Variants in RAP1A observed in about 807,000 individuals in gnomAD.
RAP1A encodes ras-related protein Rap-1A.
A neutral mutation model predicts 26.4 loss-of-function variants in RAP1A; 6 were observed. That is an observed-to-expected ratio of 0.23 (90% CI 0.12 to 0.45). RAP1A has a LOEUF of 0.45. Among genes scored for constraint, RAP1A ranks in the 20% least tolerant of loss-of-function variants. The pLI, the probability that RAP1A is intolerant of heterozygous loss-of-function variation, is 0.99. For missense variants in RAP1A, 121 were observed against 217.2 expected (o/e 0.56, Z 2.78); for synonymous variants, 73 against 79.4 (o/e 0.92, Z 0.43).
At chr1:111,688,179 A>G (rs750562894) in intron 1 of RAP1A, among the ~76,000 whole-genome samples, 1 of 138,244 alleles carries the variant, frequency 7.2e-6, no homozygotes, top group Non-Finnish European at 1.5e-5. Context: ...ACATATATTC[A>G]TTGTATTTAT....
intron 3 of RAP1A, among the ~76,000 whole-genome samples, chr1:111,696,123 A>G (rs1661820717): frequency 6.6e-6 from 1 of 152,182 alleles, no homozygotes; most frequent in Non-Finnish European, 1.5e-5. Context: ...AAAATTAGGT[A>G]CTTGGTCTTG....
At chr1:111,605,174 A>G (rs550838963) in intron 1 of RAP1A, among the ~76,000 whole-genome samples, 1 of 152,334 alleles carries the variant, frequency 6.6e-6, no homozygotes, top group Admixed American at 6.5e-5. Context: ...TAAGGAAGGT[A>G]GTTTCCACAT....
chr1:111,649,409 G>T (rs1186463363), intron 1 of RAP1A: 3 of 366,318 alleles, frequency 8.2e-6, no homozygotes, highest in African/African-American at 2.1e-5. Context: ...CCAGAAGCTG[G>T]TGGAGTGGGA....
intron 6 of RAP1A, among the ~76,000 whole-genome samples, chr1:111,707,395 A>G (rs1414667843): frequency 2.6e-5 from 4 of 152,350 alleles, no homozygotes; most frequent in South Asian, 2.1e-4. Context: ...TAAGAACAAT[A>G]AAGAAGAATT....
intron 1 of RAP1A, among the ~76,000 whole-genome samples, chr1:111,688,299 G>A (rs66515524): frequency 0.7 from 98,828 of 140,500 alleles, 35,375 homozygotes; most frequent in East Asian, 0.92. Context: ...GTGTGTGTGT[G>A]TATATATATT....
intron 1 of RAP1A, among the ~76,000 whole-genome samples, chr1:111,664,050 C>T (rs1367671175): frequency 6.6e-6 from 1 of 152,038 alleles, no homozygotes; most frequent in South Asian, 2.1e-4. Context: ...CATAGGATGT[C>T]ATAGAGGAAC....
rs1198317883 is a variant in RAP1A at position 111,697,491 on chromosome 1, A to G, written c.177A>G (p.Ala59=). ...GTATGCTCGAAATCCTGGATACTGC[A>G]GGGACAGTAAGGATGTTTTCTCTTT... ...QQCMLEILDT[A]GTEQFTAMRD... Residue 59 remains alanine, a synonymous_variant, in exon 4 of 8, where the codon GCA becomes GCG. Coordinates refer to ENST00000369709, the MANE Select transcript of RAP1A (RefSeq NM_002884.4). 1.9e-6 allele frequency: 3 copies of G among 1,612,572 alleles called. No individual in the cohort carries two copies. The highest frequency in any genetic ancestry group is 2.5e-6 in the Non-Finnish European group (3 of 1,179,368).
At chr1:111,701,341 C>T (rs1446425528) in intron 4 of RAP1A, among the ~76,000 whole-genome samples, 3 of 152,184 alleles carry the variant, frequency 2.0e-5, no homozygotes, top group Non-Finnish European at 4.4e-5. Flanking sequence ...CTTATTCCCT[C>T]ACCTCCCTCA....
At chr1:111,668,689 A>T (rs1660874474) in intron 1 of RAP1A, among the ~76,000 whole-genome samples, 1 of 152,138 alleles carries the variant, frequency 6.6e-6, no homozygotes. Context: ...AGGTTATGAG[A>T]AGTTACAAAT....
At chr1:111,617,626 G>T (rs929998489), upstream of RAP1A, among the ~76,000 whole-genome samples, 1 of 151,382 alleles carries the variant, frequency 6.6e-6, no homozygotes, top group South Asian at 2.1e-4. Flanking sequence ...AGTAGAGATG[G>T]GGTTTCACCG....
chr1:111,547,441 A>G (rs2101031232), intron 1 of RAP1A, among the ~76,000 whole-genome samples: 1 of 152,252 alleles, frequency 6.6e-6, no homozygotes, highest in South Asian at 2.1e-4. Flanking sequence ...TCCACTTGGT[A>G]GTGATGTACA....
chr1:111,626,268 G>A lies in RAP1A; in HGVS notation c.-28+6334G>A, dbSNP rs146109111. Among the ~76,000 whole-genome samples, 459 of 152,200 alleles carry A rather than the reference G, an allele frequency of 3.0e-3. 1 individual carries two copies. The highest frequency in any genetic ancestry group is 0.01 in the African/African-American group (425 of 41,532). ...AGTATTAGACCAAATCAGTTTCCCA[G>A]TTGTTTAAAATAGAGTTAAATAAGA... On this transcript the variant is annotated intron_variant, in intron 1 of 7. Transcript: ENST00000369709.
rs1394299606 is a variant in RAP1A, at chr1:111,684,317, G to T, written c.-27-7017G>T. On this transcript the variant is annotated intron_variant, in intron 1 of 7. Transcript: ENST00000369709. ...GGCCAAGGCAGTCAGGCAAGAAAAAGAAATAAAGGGTATTCAAACAGGAAG... is the reference window on the plus strand; with the variant it reads ...GGCCAAGGCAGTCAGGCAAGAAAAATAAATAAAGGGTATTCAAACAGGAAG... Among the ~76,000 whole-genome samples the T allele has an allele frequency of 3.3e-5, 5 of 152,260 alleles. No individual in the cohort carries two copies. In the East Asian group the frequency reaches 9.6e-4, roughly 29 times the overall value.
intron 1 of RAP1A, among the ~76,000 whole-genome samples, chr1:111,690,086 G>T (rs1299997521): frequency 2.0e-5 from 3 of 151,974 alleles, no homozygotes; most frequent in Admixed American, 6.6e-5. Flanking sequence ...TTCTTTTAAA[G>T]AATTTTGGAC....
At chr1:111,693,898 T>G (rs979419181) in intron 2 of RAP1A, among the ~76,000 whole-genome samples, 1 of 49,134 alleles carries the variant, frequency 2.0e-5, no homozygotes, top group Non-Finnish European at 3.8e-5. Context: ...TTAGACTGCC[T>G]TTTTTTTTTT....
rs1662448112 is a variant in RAP1A, at chr1:111,713,529, C to T, written c.*1128C>T. Reference sequence around the variant, plus strand: ...ATTGTTAATTTGTTGGGTGTGAGTCCACCAATGAAGTGTTATGTGAAAAAT... The same window carrying T: ...ATTGTTAATTTGTTGGGTGTGAGTCTACCAATGAAGTGTTATGTGAAAAAT... On this transcript the variant is annotated 3_prime_UTR_variant, in exon 8 of 8. Transcript: ENST00000369709. The T allele has an allele frequency of 6.6e-6, 1 of 151,976 alleles. No homozygotes were observed. The highest frequency in any genetic ancestry group is 1.5e-5 in the Non-Finnish European group (1 of 67,988). 9.4% of individuals were successfully genotyped at this position (151,976 alleles called of 1,614,324 possible). A position where few individuals can be genotyped will look rare whatever the true frequency, so the allele number is the denominator to read the frequency against.
At position 111,600,448 on chromosome 1, in the gene RAP1A, C is replaced by T. The variant is rs76863273; in HGVS notation, c.-28+57939C>T. 3.9e-5 allele frequency among the ~76,000 whole-genome samples: 6 copies of T among 152,374 alleles called. No homozygotes were observed. The East Asian group carries it at 1.2e-3, about 29-fold the overall frequency. On this transcript the variant is annotated intron_variant, in intron 1 of 7. Transcript: ENST00000356415. ...GATAGAGGCTAGCAAGCCTCCTCTT[C>T]CAGCCAGTGCTACAAGAGGTAGGGA...
At chr1:111,706,813 ATAC>A (rs2101301676) in intron 6 of RAP1A, 1 of 865,330 alleles carries the variant, frequency 1.2e-6, no homozygotes, top group South Asian at 5.3e-5. Context: ...ATTTAGAATA[ATAC>A]TACAAGCATT....
intron 1 of RAP1A, among the ~76,000 whole-genome samples, chr1:111,546,759 T>C (rs1485045724): frequency 6.6e-6 from 1 of 152,196 alleles, no homozygotes; most frequent in African/African-American, 2.4e-5. Flanking sequence ...TTTAAGTCCC[T>C]ACTTTTAATG....
Sources: allele counts gnomAD v4.1 joint callset (sites outside exome capture counted in the v4.1 genomes callset), GRCh38; gene constraint gnomAD v4.1.1; transcripts MANE v1.5; gene names NCBI Gene and HGNC (gene_info 2026-07-23, HGNC 2026-07-21).